KIF13A: variants seen among roughly 807,000 people sequenced by gnomAD.
KIF13A encodes kinesin family member 13A.
KIF13A carries 79 observed loss-of-function variants against 212.2 expected under a neutral mutation model. The observed-to-expected ratio is 0.37, with a 90% CI of 0.31 to 0.45. The LOEUF (loss-of-function observed/expected upper bound fraction) is 0.45. Among genes scored for constraint, KIF13A ranks in the 20% least tolerant of loss-of-function variants. The pLI is 1.00. For missense variants in KIF13A, 1,901 were observed against 2,209.0 expected, an observed-to-expected ratio of 0.86 and a Z score of 2.79; for synonymous variants, 789 against 808.6, an observed-to-expected ratio of 0.98 and a Z score of 0.41.
At position 17,871,362 on chromosome 6, in the gene KIF13A, C is replaced by T. The variant is rs1039276200; in HGVS notation, c.220+2015G>A. 2.6e-5 allele frequency among the ~76,000 whole-genome samples: 4 copies of T among 152,076 alleles called. No homozygotes were observed. The highest frequency in any genetic ancestry group is 2.0e-4 in the Admixed American group (3 of 15,252). On this transcript the variant is annotated intron_variant, in intron 4 of 38. Coordinates refer to ENST00000259711, the MANE Select transcript of KIF13A (RefSeq NM_022113.6). The surrounding 1 kb of genome is among the most constrained non-coding windows in gnomAD (Gnocchi z 4.4). The stretch of plus-strand genomic sequence containing the variant: ...TGCCTTTTCTCTTTCTCTTTAAAAT[C>T]TGGTGCCTTTCCAGATTTTATCTCT...
At chr6:17,807,953 T>C (rs1270019941) in intron 18 of KIF13A, among the ~76,000 whole-genome samples, 1 of 152,192 alleles carries the variant, frequency 6.6e-6, no homozygotes, top group Non-Finnish European at 1.5e-5. Context: ...AAAAACAATT[T>C]TCTTCAAAGT....
rs568336599 is a variant in KIF13A at position 17,918,348 on chromosome 6, C to T, written c.147-20168G>A. 6.6e-6 allele frequency among the ~76,000 whole-genome samples: 1 copy of T among 152,312 alleles called. No homozygotes were observed. The highest frequency in any genetic ancestry group is 2.1e-4 in the South Asian group (1 of 4,830). Reference sequence around the variant, plus strand: ...AGACCAAAAGAATGTAAATGTCCCACACTGCCATTTATGACAAGTTGTACT... The same window carrying T: ...AGACCAAAAGAATGTAAATGTCCCATACTGCCATTTATGACAAGTTGTACT... On this transcript the variant is annotated intron_variant, in intron 2 of 38. Transcript: ENST00000259711. This position sits in a 1 kb window ranked among gnomAD's most constrained non-coding sequence, Gnocchi z 4.8.
At chr6:17,973,300 G>A (rs1779980507) in intron 2 of KIF13A, among the ~76,000 whole-genome samples, 1 of 152,198 alleles carries the variant, frequency 6.6e-6, no homozygotes, top group Admixed American at 6.5e-5. Flanking sequence ...CAAATCAGAT[G>A]ATTTTGTTAT....
chr6:17,987,101 A>C lies in KIF13A; in HGVS notation c.99T>G (p.Asn33Lys). Residue 33 changes from asparagine (N) to lysine (K), a missense_variant, in exon 2 of 39, where the codon AAT becomes AAG. Around this residue, in one of 5 missense-constraint regions of KIF13A, gnomAD observed 506 missense variants for 637.4 expected, o/e 0.79. Coordinates refer to ENST00000259711, the MANE Select transcript of KIF13A (RefSeq NM_022113.6). This position sits in a 1 kb window ranked among gnomAD's most constrained non-coding sequence, Gnocchi z 7.7. The part of the protein sequence containing the change: ...NTKCVVEMEG[N>K]QTVLHPPPSN... Reference sequence around the variant, plus strand: ...AAGGAGGAGGGTGCAGGACCGTTTGATTCCCTTCCATCTCCACCACGCACT... The same window carrying C: ...AAGGAGGAGGGTGCAGGACCGTTTGCTTCCCTTCCATCTCCACCACGCACT... 3.7e-6 allele frequency: 6 copies of C among 1,613,670 alleles called. No individual in the cohort carries two copies. Among genetic ancestry groups the C allele is most frequent in the Non-Finnish European group, 4.2e-6 (5 of 1,179,680 alleles).
rs149194532 is a variant in KIF13A at position 17,860,308 on chromosome 6, C to T, written c.221-4186G>A. Among the ~76,000 whole-genome samples the T allele has an allele frequency of 2.7e-3, 410 of 152,202 alleles. 3 individuals carry two copies. Among genetic ancestry groups the T allele is most frequent in the African/African-American group, 9.2e-3 (384 of 41,518 alleles). Reference sequence around the variant, plus strand: ...GGTTCAAGCGATTCTCCTGCCTCAGCCTCCTAAGTAGCTGGGATTATAGGG... The same window carrying T: ...GGTTCAAGCGATTCTCCTGCCTCAGTCTCCTAAGTAGCTGGGATTATAGGG... On this transcript the variant is annotated intron_variant, in intron 4 of 38. Coordinates refer to ENST00000259711, the MANE Select transcript of KIF13A (RefSeq NM_022113.6).
Position 17,764,238 on chromosome 6 carries a change from G to T in KIF13A, c.5290C>A (p.Leu1764Ile). 1 of 1,613,986 alleles carries T rather than the reference G, an allele frequency of 6.2e-7. No individual in the cohort carries two copies. The highest frequency in any genetic ancestry group is 8.5e-7 in the Non-Finnish European group (1 of 1,179,880). The change falls in exon 39 of 39, where the codon CTA (leucine) becomes ATA (isoleucine). Residue 1764 changes from leucine (L) to isoleucine (I), a missense_variant. Physicochemically the swap from Leu to Ile is conservative, Grantham distance 5. Transcript: ENST00000259711. This position sits in a 1 kb window ranked among gnomAD's most constrained non-coding sequence, Gnocchi z 5.1. ...SAGELSSRRS[L>I]PNKTGGKTVS... ...GTCTTGCCGCCTGTTTTATTTGGTA[G>T]ACTCCTCCTACTGGAAAGCTCTCCA...
intron 2 of KIF13A, among the ~76,000 whole-genome samples, chr6:17,945,329 A>T (rs1447443308): frequency 6.6e-6 from 1 of 152,164 alleles, no homozygotes; most frequent in Non-Finnish European, 1.5e-5. Flanking sequence ...CATGATTTTA[A>T]AAGTCAGGAC....
Position 17,817,197 on chromosome 6 carries a change from T to C in KIF13A, c.1823A>G (p.Gln608Arg), listed in dbSNP as rs1390884154. ...VQNVVQVLEK[Q>R]YLEEKRSALE... The stretch of plus-strand genomic sequence containing the variant: ...GGCACTTCTCTTTTCTTCTAGGTAT[T>C]GTTTCTCCAGGACCTGAACCACATT... The change falls in exon 17 of 39, where the codon CAA becomes CGA. Residue 608 changes from glutamine to arginine, a missense_variant. Gln to Arg is a conservative substitution (Grantham distance 43). Coordinates refer to ENST00000259711, the MANE Select transcript of KIF13A (RefSeq NM_022113.6). 1.2e-6 allele frequency: 2 copies of C among 1,614,066 alleles called. No individual in the cohort carries two copies. Among genetic ancestry groups the C allele is most frequent in the Non-Finnish European group, 1.7e-6 (2 of 1,179,902 alleles).
chr6:17,760,666 C>A (rs929524193), downstream of KIF13A: 7 of 599,938 alleles, frequency 1.2e-5, no homozygotes, highest in Non-Finnish European at 1.8e-5. Flanking sequence ...ACCCAAGTGA[C>A]AAAGTGCCGC....
In KIF13A at chr6:17,830,280, ATG is replaced by A. The variant is rs563792842; in HGVS notation, c.1401+819_1401+820del. Among the ~76,000 whole-genome samples, 26 of 152,226 alleles carry A rather than the reference ATG, an allele frequency of 1.7e-4. 1 individual carries two copies. The highest frequency in any genetic ancestry group is 5.1e-4 in the African/African-American group (21 of 41,536). On this transcript the variant is annotated intron_variant, in intron 13 of 38. Coordinates refer to ENST00000259711, the MANE Select transcript of KIF13A (RefSeq NM_022113.6). Reference sequence around the variant, plus strand: ...TTTGCCTTTGCTCTCTCATTTTATCATGTGTGTGTGTATTGGTGGAATTTTCC... The same window carrying A: ...TTTGCCTTTGCTCTCTCATTTTATCATGTGTGTGTATTGGTGGAATTTTCC...
At position 17,934,037 on chromosome 6, in the gene KIF13A, T is replaced by G. The variant is rs1776240448; in HGVS notation, c.147-35857A>C. Reference sequence around the variant, plus strand: ...GATAAAGAAAGCTGCCTTTTATAACTCAATTCAATCTAAATTGTGTCGTTA... The same window carrying G: ...GATAAAGAAAGCTGCCTTTTATAACGCAATTCAATCTAAATTGTGTCGTTA... On this transcript the variant is annotated intron_variant, in intron 2 of 38. Transcript: ENST00000259711. The surrounding 1 kb of genome is among the most constrained non-coding windows in gnomAD (Gnocchi z 5.4). Among the ~76,000 whole-genome samples, 1 of 152,236 alleles carries G rather than the reference T, an allele frequency of 6.6e-6. No individual in the cohort carries two copies. Among genetic ancestry groups the G allele is most frequent in the Non-Finnish European group, 1.5e-5 (1 of 68,044 alleles).
intron 2 of KIF13A, among the ~76,000 whole-genome samples, chr6:17,976,656 G>A (rs965295620): frequency 6.6e-6 from 1 of 152,224 alleles, no homozygotes; most frequent in Non-Finnish European, 1.5e-5. Context: ...GTGGGCTGAA[G>A]GGCTTCTCAA....
At position 17,779,703 on chromosome 6, in the gene KIF13A, AGCTGTATT is replaced by A; in HGVS notation, c.3847-27_3847-20del. The A allele has an allele frequency of 9.6e-7, 1 of 1,040,208 alleles. No individual in the cohort carries two copies. Among genetic ancestry groups the A allele is most frequent in the Non-Finnish European group, 1.4e-6 (1 of 692,396 alleles). 64.4% of individuals were successfully genotyped at this position (1,040,208 alleles called of 1,614,324 possible). ...TGAAACTCTAGTAGAAAAAAAAAAA[AGCTGTATT>A]AAGCTATGTGACAAATGTAAGTTAT... On this transcript the variant is annotated intron_variant, in intron 31 of 38. Transcript: ENST00000259711.
intron 22 of KIF13A, among the ~76,000 whole-genome samples, chr6:17,797,204 T>G (rs1762116720): frequency 6.6e-6 from 1 of 152,064 alleles, no homozygotes; most frequent in Non-Finnish European, 1.5e-5. Flanking sequence ...TATTTTTTTG[T>G]ATTTTTAGTA....
At position 17,819,200 on chromosome 6, in the gene KIF13A, C is replaced by T. The variant is rs957348371; in HGVS notation, c.1787-1967G>A. Among the ~76,000 whole-genome samples, 33 of 152,006 alleles carry T rather than the reference C, an allele frequency of 2.2e-4. 1 individual carries two copies. The highest frequency in any genetic ancestry group is 1.6e-3 in the Admixed American group (24 of 15,268). ...ATTTTTAGTAGAGATGGGGTTTCAC[C>T]GTGTTAGCCAGGATGGTCTCGATCT... On this transcript the variant is annotated intron_variant, in intron 16 of 38. Transcript: ENST00000259711.
rs757422109 is a variant in KIF13A, at chr6:17,799,243, T to C, written c.2790+23A>G. 6.5e-7 allele frequency: 1 copy of C among 1,529,242 alleles called. No homozygotes were observed. The highest frequency in any genetic ancestry group is 1.3e-5 in the South Asian group (1 of 76,024). The allele number at this position is 1,529,242 out of a possible 1,614,324, so 94.7% of individuals were successfully genotyped here. A position where few individuals can be genotyped will look rare whatever the true frequency, so the allele number is the denominator to read the frequency against. On this transcript the variant is annotated intron_variant, in intron 22 of 38. Coordinates refer to ENST00000259711, the MANE Select transcript of KIF13A (RefSeq NM_022113.6). This position sits in a 1 kb window ranked among gnomAD's most constrained non-coding sequence, Gnocchi z 4.4. ...CAATTTCTGCTGCTTCCTACACAGCTCATTTGGTAATGGCATTTGTACCTT... is the reference window on the plus strand; with the variant it reads ...CAATTTCTGCTGCTTCCTACACAGCCCATTTGGTAATGGCATTTGTACCTT...
Position 17,838,642 on chromosome 6 carries a change from T to A in KIF13A, c.831-1059A>T, listed in dbSNP as rs896135188. ...CTTAAGTGAAACAAGTCAAAAAAAT[T>A]AAAATAAAAATATATAAAAGAAACA... On this transcript the variant is annotated intron_variant, in intron 9 of 38. Coordinates refer to ENST00000259711, the MANE Select transcript of KIF13A (RefSeq NM_022113.6). The surrounding 1 kb of genome is among the most constrained non-coding windows in gnomAD (Gnocchi z 4.2). Among the ~76,000 whole-genome samples the A allele has an allele frequency of 1.3e-5, 2 of 151,910 alleles. No individual in the cohort carries two copies. Among genetic ancestry groups the A allele is most frequent in the Non-Finnish European group, 2.9e-5 (2 of 67,992 alleles).
rs976854151 is a variant in KIF13A at position 17,787,240 on chromosome 6, T to A, written c.3361+536A>T. Among the ~76,000 whole-genome samples the A allele has an allele frequency of 3.7e-4, 57 of 152,358 alleles. No individual in the cohort carries two copies. Among genetic ancestry groups the A allele is most frequent in the Non-Finnish European group, 7.8e-4 (53 of 68,030 alleles). On this transcript the variant is annotated intron_variant, in intron 27 of 38. Transcript: ENST00000259711. The surrounding 1 kb of genome is among the most constrained non-coding windows in gnomAD (Gnocchi z 4.6). ...CGAAATTTGAATTTGACATTTAATG[T>A]CACAGTTTTATGAGATAATTCTGAG...
Position 17,987,553 on chromosome 6 carries a change from C to T in KIF13A, c.-90G>A. On this transcript the variant is annotated 5_prime_UTR_variant, in exon 1 of 39. Transcript: ENST00000259711. This position sits in a 1 kb window ranked among gnomAD's most constrained non-coding sequence, Gnocchi z 7.7. ...CGCCGCCGCCGCTGCAGCCGCGCGC[C>T]CCTCGAGCGCGGCCGCCGCCGCTCC... The T allele has an allele frequency of 5.8e-6, 4 of 692,896 alleles. No homozygotes were observed. The highest frequency in any genetic ancestry group is 7.2e-6 in the Non-Finnish European group (4 of 557,524). The allele number at this position is 692,896 out of a possible 1,614,324, so 42.9% of individuals were successfully genotyped here. A position where few individuals can be genotyped will look rare whatever the true frequency, so the allele number is the denominator to read the frequency against.
Sources: allele counts gnomAD v4.1 joint callset (sites outside exome capture counted in the v4.1 genomes callset), GRCh38; gene constraint gnomAD v4.1.1; regional missense constraint gnomAD v4.1.1; non-coding constraint Gnocchi (gnomAD v3.1); transcripts MANE v1.5; gene names NCBI Gene and HGNC (gene_info 2026-07-23, HGNC 2026-07-21).